Variants in DDX24 observed in about 807,000 individuals in gnomAD.
DDX24 encodes ATP-dependent RNA helicase DDX24.
A neutral mutation model predicts 68.9 loss-of-function variants in DDX24; 24 were observed. That is an observed-to-expected ratio of 0.35 (90% confidence interval 0.25 to 0.49). The LOEUF (loss-of-function observed/expected upper bound fraction) is 0.49. Ranked by LOEUF, DDX24 falls within the 20% of genes least tolerant of loss-of-function variation. The pLI is 0.99. For missense variants in DDX24, 989 were observed against 1,039.0 expected, an observed-to-expected ratio of 0.95 and a Z score of 0.66; for synonymous variants, 395 against 385.2, an observed-to-expected ratio of 1.03 and a Z score of -0.30.
At chr14:94,072,773 G>A (rs952972169) in intron 2 of DDX24, among the ~76,000 whole-genome samples, 1 of 152,120 alleles carries the variant, frequency 6.6e-6, no homozygotes, top group Non-Finnish European at 1.5e-5. Flanking sequence ...AGATTGCAGT[G>A]AGCTGAGATA....
intron 2 of DDX24, among the ~76,000 whole-genome samples, chr14:94,063,764 A>G (rs918458216): frequency 2.0e-5 from 3 of 152,172 alleles, no homozygotes; most frequent in Non-Finnish European, 2.9e-5. Flanking sequence ...TTTGCCAGGC[A>G]TGGTGGCACA....
intron 2 of DDX24, among the ~76,000 whole-genome samples, chr14:94,075,243 A>AT (rs1338107553): frequency 1.3e-5 from 2 of 152,198 alleles, no homozygotes; most frequent in South Asian, 2.1e-4. Flanking sequence ...ATACTACCTG[A>AT]TTTTAAGACT....
intron 7 of DDX24, 69 bp from the exon 8 acceptor site, chr14:94,053,196 T>G: frequency 6.2e-7 from 1 of 1,604,338 alleles, no homozygotes; most frequent in Non-Finnish European, 8.5e-7. Flanking sequence ...AAGTCTCACT[T>G]GAGTTGTGTT....
intron 2 of DDX24, among the ~76,000 whole-genome samples, chr14:94,065,459 CAG>C (rs1022334490): frequency 6.6e-6 from 1 of 151,694 alleles, no homozygotes; most frequent in African/African-American, 2.4e-5. Context: ...AGAAAAGTAA[CAG>C]ATTTAAACCT....
Position 94,069,472 on chromosome 14 carries a change from C to T in DDX24, c.719-6851G>A, listed in dbSNP as rs186836009. 9.3e-4 allele frequency among the ~76,000 whole-genome samples: 142 copies of T among 152,200 alleles called. 1 individual carries two copies. The Middle Eastern group carries it at 0.017, about 18-fold the overall frequency. ...TCCCAATCCTTTTGACACTATTCTA[C>T]GAGATGGAGAAAGAAGGAACCCTCC... On this transcript the variant is annotated intron_variant, in intron 2 of 8. Coordinates refer to ENST00000621632, the MANE Select transcript of DDX24 (RefSeq NM_020414.4).
At chr14:94,079,909 A>G (rs1886028825) in intron 1 of DDX24, among the ~76,000 whole-genome samples, 162 bp from the exon 2 acceptor site, 1 of 152,130 alleles carries the variant, frequency 6.6e-6, no homozygotes, top group Admixed American at 6.5e-5. Flanking sequence ...AATACCACAG[A>G]ACAGACAGCT....
intron 2 of DDX24, among the ~76,000 whole-genome samples, chr14:94,077,870 T>A (rs1274815562): frequency 1.4e-5 from 2 of 145,034 alleles, no homozygotes; most frequent in Non-Finnish European, 1.5e-5. Flanking sequence ...GAAAATTTAG[T>A]AAAAAAAAAA....
At position 94,079,660 on chromosome 14, in the gene DDX24, T is replaced by C; in HGVS notation, c.83A>G (p.Lys28Arg). 6.2e-7 allele frequency: 1 copy of C among 1,614,160 alleles called. No individual in the cohort carries two copies. ...TGGGTCAATCTTCACTTCCTTCCAT[T>C]TTCCCACAACTTTGATTCCCTTTGT... ...FQTKGIKVVG[K>R]WKEVKIDPNM... The change falls in exon 2 of 9, where the codon AAA (lysine) becomes AGA (arginine). Residue 28 changes from lysine (K) to arginine (R), a missense_variant. Transcript: ENST00000621632.
At chr14:94,052,083 C>T (rs1283508826) in intron 8 of DDX24, among the ~76,000 whole-genome samples, 1 of 152,260 alleles carries the variant, frequency 6.6e-6, no homozygotes, top group Admixed American at 6.5e-5. Context: ...AGCTCACTGT[C>T]ATCAAGCCCA....
chr14:94,078,016 T>C (rs1885980082), intron 2 of DDX24, among the ~76,000 whole-genome samples: 3 of 150,590 alleles, frequency 2.0e-5, no homozygotes, highest in Non-Finnish European at 2.9e-5. Flanking sequence ...GGATCGACAA[T>C]ATTCGGGGGG....
intron 2 of DDX24, among the ~76,000 whole-genome samples, chr14:94,075,921 G>C (rs1490235487): frequency 6.6e-6 from 1 of 152,010 alleles, no homozygotes; most frequent in African/African-American, 2.4e-5. Flanking sequence ...CAAATGACAA[G>C]GAAATAATAG....
rs112660927 is a variant in DDX24 at position 94,078,811 on chromosome 14, T to C, written c.718+214A>G. Among the ~76,000 whole-genome samples, 1,451 of 152,256 alleles carry C rather than the reference T, an allele frequency of 9.5e-3. 26 individuals are homozygous for C. The highest frequency in any genetic ancestry group is 0.033 in the African/African-American group (1,381 of 41,508). On this transcript the variant is annotated intron_variant, in intron 2 of 8. Transcript: ENST00000621632. ...TATCTCCATTTGGTTGATAATGGGG[T>C]CTACAGAGCTGAGAGAGATAAAAGT...
chr14:94,053,016 C>T lies in DDX24; in HGVS notation c.2290G>A (p.Glu764Lys), dbSNP rs749549690. The change falls in exon 8 of 9, where the codon GAA becomes AAA. Residue 764 changes from glutamate (E) to lysine (K), a missense_variant. Physicochemically the swap from Glu to Lys is moderately conservative, Grantham distance 56 (BLOSUM62 1). Coordinates refer to ENST00000621632, the MANE Select transcript of DDX24 (RefSeq NM_020414.4). ...GGCTTACCCTTATACATGTCTTCTT[C>T]CAGCTCAATCTCCAGGGCAGCTGCT... ...QAAAALEIELEEDMYKGGKAD... is the reference protein window; with the variant it reads ...QAAAALEIELKEDMYKGGKAD... The T allele has an allele frequency of 5.0e-6, 8 of 1,613,910 alleles. No homozygotes were observed. Among genetic ancestry groups the T allele is most frequent in the South Asian group, 3.3e-5 (3 of 91,046 alleles).
In DDX24 at chr14:94,060,347, C is replaced by T. The variant is rs201724101; in HGVS notation, c.1664G>A (p.Arg555Lys). 54 of 1,614,058 alleles carry T rather than the reference C, an allele frequency of 3.3e-5. No individual in the cohort carries two copies. The highest frequency in any genetic ancestry group is 7.6e-6 in the Non-Finnish European group (9 of 1,180,042). The change falls in exon 5 of 9, where the codon AGG becomes AAG. Residue 555 changes from arginine (R) to lysine (K), a missense_variant. By Grantham distance (26) the Arg-to-Lys change is conservative. Around this residue, in one of 3 missense-constraint regions of DDX24, gnomAD observed 691 missense variants for 760.0 expected, o/e 0.91. Coordinates refer to ENST00000621632, the MANE Select transcript of DDX24 (RefSeq NM_020414.4). ...TAGCGTCTCCACCGTGGCCTCATTC[C>T]TTGTGAGGTCAATGACCTTGGGCTT... The part of the protein sequence containing the change: ...RGKPKVIDLT[R>K]NEATVETLTE...
chr14:94,058,662 G>C (rs867479548), intron 5 of DDX24, among the ~76,000 whole-genome samples: 2 of 152,120 alleles, frequency 1.3e-5, no homozygotes, highest in African/African-American at 4.8e-5. Context: ...AAAGTCAAAA[G>C]TACTTGAGGT....
At chr14:94,064,010 A>C (rs957911054) in intron 2 of DDX24, among the ~76,000 whole-genome samples, 1 of 152,234 alleles carries the variant, frequency 6.6e-6, no homozygotes, top group African/African-American at 2.4e-5. Context: ...TCTCTAACAC[A>C]TATGAAGTAT....
At position 94,081,172 on chromosome 14, in the gene DDX24, C is replaced by T. The variant is rs1886085175; in HGVS notation, c.-59G>A. The T allele has an allele frequency of 6.6e-6, 1 of 152,328 alleles. No homozygotes were observed. The highest frequency in any genetic ancestry group is 6.5e-5 in the Admixed American group (1 of 15,288). The allele number at this position is 152,328 out of a possible 1,614,324, so 9.4% of individuals were successfully genotyped here. On this transcript the variant is annotated 5_prime_UTR_variant, in exon 1 of 9. Transcript: ENST00000621632. Reference sequence around the variant, plus strand: ...AGTCGCGAGTGAAGAACCTCAGAAACCGCCGCTGTACCTCAGCTGCAGCAG... The same window carrying T: ...AGTCGCGAGTGAAGAACCTCAGAAATCGCCGCTGTACCTCAGCTGCAGCAG...
intron 2 of DDX24, among the ~76,000 whole-genome samples, chr14:94,078,680 C>T (rs1351466638): frequency 6.6e-6 from 1 of 152,158 alleles, no homozygotes; most frequent in Non-Finnish European, 1.5e-5. Flanking sequence ...AGAAAAGGCT[C>T]AAGAACAGCA....
At chr14:94,065,514 G>A (rs1442240067) in intron 2 of DDX24, among the ~76,000 whole-genome samples, 1 of 152,168 alleles carries the variant, frequency 6.6e-6, no homozygotes, top group Non-Finnish European at 1.5e-5. Context: ...ACAGGAGGGA[G>A]GACTAGATTG....
Sources: gnomAD v4.1 joint callset for allele counts (sites outside exome capture counted in the v4.1 genomes callset) on GRCh38, gnomAD v4.1.1 for gene constraint, gnomAD v4.1.1 regional missense constraint, MANE v1.5 for transcripts, NCBI Gene and HGNC (gene_info 2026-07-23, HGNC 2026-07-21) for gene names.